CD8A: variants seen among roughly 807,000 people sequenced by gnomAD.
The protein encoded by CD8A is T-cell surface glycoprotein CD8 alpha chain.
Under a neutral mutation model 24.2 loss-of-function variants are expected in CD8A, and 25 were observed. That is an observed-to-expected ratio of 1.03 (90% CI 0.75 to 1.44). The LOEUF is 1.44. CD8A is among the 40% of genes most tolerant of loss of function. The pLI is 0.00. For missense variants in CD8A, 360 were observed against 319.7 expected (o/e 1.13, Z -0.96); for synonymous variants, 165 against 149.9 (o/e 1.10, Z -0.74).
intron 3 of CD8A, among the ~76,000 whole-genome samples, chr2:86,798,689 A>C (rs57263643): frequency 0.011 from 1,734 of 151,970 alleles, 38 homozygotes; most frequent in African/African-American, 0.039. Context: ...TGCCCAGCTA[A>C]TTTTTATATT....
rs951166741 is a variant in CD8A, at chr2:86,790,901, A to AG, written c.-77dup. Reference sequence around the variant, plus strand: ...GCGCGCGGGAGCCGGTGGGGCGCCGAGGGGGGAAAGTTGCGCCCTTCGGCC... The same window carrying AG: ...GCGCGCGGGAGCCGGTGGGGCGCCGAGGGGGGGAAAGTTGCGCCCTTCGGCC... On this transcript the variant is annotated 5_prime_UTR_variant, in exon 1 of 6. Transcript: ENST00000283635. 9.3e-6 allele frequency: 13 copies of AG among 1,400,152 alleles called. No individual in the cohort carries two copies. Among genetic ancestry groups the AG allele is most frequent in the Middle Eastern group, 3.5e-4 (2 of 5,766 alleles). 86.7% of individuals were successfully genotyped at this position (1,400,152 alleles called of 1,614,324 possible). A position where few individuals can be genotyped will look rare whatever the true frequency, so the allele number is the denominator to read the frequency against.
chr2:86,785,884 C>A lies in CD8A; in HGVS notation c.*36G>T. The A allele has an allele frequency of 6.7e-7, 1 of 1,496,856 alleles. No homozygotes were observed. Among genetic ancestry groups the A allele is most frequent in the Non-Finnish European group, 9.3e-7 (1 of 1,072,816 alleles). The allele number at this position is 1,496,856 out of a possible 1,614,324, so 92.7% of individuals were successfully genotyped here. A position where few individuals can be genotyped will look rare whatever the true frequency, so the allele number is the denominator to read the frequency against. On this transcript the variant is annotated 3_prime_UTR_variant, in exon 6 of 6. Coordinates refer to ENST00000283635, the MANE Select transcript of CD8A (RefSeq NM_001768.7). ...GACTTGCTCCCTCAAAAGGAAGGAT[C>A]TCAGTTTGAAGTAATGTAGTGGCTG...
intron 4 of CD8A, among the ~76,000 whole-genome samples, chr2:86,788,883 A>C (rs1366209640): frequency 6.6e-6 from 1 of 152,176 alleles, no homozygotes; most frequent in Non-Finnish European, 1.5e-5. Flanking sequence ...TGCAGACCTG[A>C]TCCGGCACCT....
Position 86,784,996 on chromosome 2 carries a change from A to C in CD8A, c.*924T>G, listed in dbSNP as rs1672935047. ...GGCTCTCCAACAATTGTCTTTACAA[A>C]GTATAAAAAGTCATCAGTGATCCCA... On this transcript the variant is annotated 3_prime_UTR_variant, in exon 6 of 6. Transcript: ENST00000283635. The C allele has an allele frequency of 2.2e-6, 1 of 453,994 alleles. No homozygotes were observed. The highest frequency in any genetic ancestry group is 2.3e-5 in the Admixed American group (1 of 42,554). 28.1% of individuals were successfully genotyped at this position (453,994 alleles called of 1,614,324 possible).
intron 5 of CD8A, among the ~76,000 whole-genome samples, chr2:86,788,101 T>G (rs1673098439): frequency 6.6e-6 from 1 of 152,040 alleles, no homozygotes; most frequent in Non-Finnish European, 1.5e-5. Context: ...GATAAAAGAT[T>G]GGCTCTCCCT....
At chr2:86,789,508 C>G in intron 3 of CD8A, 75 bp from the exon 4 acceptor site, 1 of 1,369,438 alleles carries the variant, frequency 7.3e-7, no homozygotes. Flanking sequence ...CCGGGAACGT[C>G]TCTCCGCCTC....
At chr2:86,787,281 C>A (rs1456534704) in intron 5 of CD8A, among the ~76,000 whole-genome samples, 1 of 151,848 alleles carries the variant, frequency 6.6e-6, no homozygotes, top group African/African-American at 2.4e-5. Flanking sequence ...TGGTATATCA[C>A]CTGTAACATA....
intron 3 of CD8A, among the ~76,000 whole-genome samples, chr2:86,799,054 CCA>C (rs965426346): frequency 8.5e-5 from 13 of 152,120 alleles, no homozygotes; most frequent in African/African-American, 3.1e-4. Context: ...TGTGAATGTG[CCA>C]CAGTTTCATG....
intron 3 of CD8A, 42 bp from the exon 4 acceptor site, chr2:86,789,475 G>T: frequency 6.6e-7 from 1 of 1,506,044 alleles, no homozygotes. Context: ...GAGGGCCCGG[G>T]ACCTCCCAAC....
intron 2 of CD8A, among the ~76,000 whole-genome samples, chr2:86,802,145 C>T (rs1673692820): frequency 1.3e-5 from 2 of 152,128 alleles, no homozygotes; most frequent in Admixed American, 1.3e-4. Flanking sequence ...TCAAGTGAGT[C>T]TCTTGCTTCA....
chr2:86,800,670 G>A (rs576824722), intron 3 of CD8A, among the ~76,000 whole-genome samples: 2 of 152,268 alleles, frequency 1.3e-5, no homozygotes, highest in Non-Finnish European at 2.9e-5. Context: ...ACCCAAGAAA[G>A]TGAATAAATC....
At chr2:86,791,304 C>A (rs1178525826), upstream of CD8A, 1 of 361,554 alleles carries the variant, frequency 2.8e-6, no homozygotes, top group South Asian at 2.1e-5. Flanking sequence ...GCAAAATGGG[C>A]ACTGAGGGCT....
At chr2:86,797,008 C>G (rs942930679) in intron 3 of CD8A, among the ~76,000 whole-genome samples, 1 of 152,168 alleles carries the variant, frequency 6.6e-6, no homozygotes, top group African/African-American at 2.4e-5. Flanking sequence ...GGCTGCAGCA[C>G]CTGACTAAAT....
chr2:86,791,624 G>A (rs1673315145), upstream of CD8A: 1 of 454,002 alleles, frequency 2.2e-6, no homozygotes, highest in South Asian at 1.6e-5. Flanking sequence ...TCACAAAGGG[G>A]ATCTGACAGC....
intron 1 of CD8A, 41 bp downstream of exon 1, chr2:86,790,736 G>GCCCCCCC: frequency 7.6e-6 from 5 of 658,514 alleles, no homozygotes; most frequent in Admixed American, 3.0e-5. Flanking sequence ...CCCGCCCCCC[G>GCCCCCCC]CCCGCCCCAT....
chr2:86,808,323 G>C (rs1044813737), exon 1 of CD8A: 3 of 152,328 alleles, frequency 2.0e-5, no homozygotes, highest in Admixed American at 1.3e-4. Flanking sequence ...AGGGAGGACA[G>C]AGGAGGGATC....
At chr2:86,786,130 C>A (rs1473991219) in intron 5 of CD8A, among the ~76,000 whole-genome samples, 159 bp from the exon 6 acceptor site, 1 of 152,248 alleles carries the variant, frequency 6.6e-6, no homozygotes, top group South Asian at 2.1e-4. Context: ...CAGCACAGCA[C>A]CCGTGCTAAA....
Sources: allele counts gnomAD v4.1 joint callset (sites outside exome capture counted in the v4.1 genomes callset), GRCh38; gene constraint gnomAD v4.1.1; transcripts MANE v1.5; gene names NCBI Gene and HGNC (gene_info 2026-07-23, HGNC 2026-07-21).